Variants in CIT observed in about 807,000 individuals in gnomAD.
The protein encoded by CIT is citron Rho-interacting kinase.
CIT carries 79 observed loss-of-function variants against 272.7 expected under a neutral mutation model. The observed-to-expected ratio is 0.29, with a 90% confidence interval of 0.24 to 0.35. The LOEUF is 0.35. Ranked by LOEUF, CIT falls within the 10% of genes least tolerant of loss-of-function variation. The pLI, the probability that CIT is intolerant of heterozygous loss-of-function variation, is 1.00. For missense variants in CIT, 1,909 were observed against 2,618.3 expected (o/e 0.73, Z 5.91); for synonymous variants, 948 against 995.6 (o/e 0.95, Z 0.90).
chr12:119,706,822 T>G (rs1441204674), intron 40 of CIT, among the ~76,000 whole-genome samples: 1 of 152,216 alleles, frequency 6.6e-6, no homozygotes, highest in African/African-American at 2.4e-5. Flanking sequence ...ATTGCTGGGT[T>G]GAATGGTATT....
intron 3 of CIT, among the ~76,000 whole-genome samples, chr12:119,862,885 A>G (rs181057203): frequency 7.1e-6 from 1 of 140,142 alleles, no homozygotes; most frequent in East Asian, 2.3e-4. Flanking sequence ...TAGGGAAGTG[A>G]TTAAATCACT....
At chr12:119,800,267 C>T (rs1358002370) in intron 10 of CIT, among the ~76,000 whole-genome samples, 2 of 152,136 alleles carry the variant, frequency 1.3e-5, no homozygotes, top group Non-Finnish European at 2.9e-5. Flanking sequence ...AGACTAATTT[C>T]ACCATAACCC....
Position 119,718,862 on chromosome 12 carries a change from C to G in CIT, c.3841-1G>C. The G allele has an allele frequency of 6.2e-7, 1 of 1,613,948 alleles. No individual in the cohort carries two copies. The highest frequency in any genetic ancestry group is 8.5e-7 in the Non-Finnish European group (1 of 1,179,908). ...CCTCTTTCCGTCGACTAAATAAACC[C>G]TAGCAATGGAAACAGAGATATCTCC... is the stretch of plus-strand genomic sequence containing the variant. On this transcript the variant is annotated splice_acceptor_variant, in intron 30 of 47. Transcript: ENST00000392521. LOFTEE classifies it high-confidence loss of function. This position sits in a 1 kb window ranked among gnomAD's most constrained non-coding sequence, Gnocchi z 4.8.
chr12:119,702,698 AG>A (rs1378600957), intron 41 of CIT, among the ~76,000 whole-genome samples: 2 of 152,006 alleles, frequency 1.3e-5, no homozygotes, highest in Non-Finnish European at 2.9e-5. Context: ...AAAAAAAAAA[AG>A]AAAGAAAAGA....
At chr12:119,709,760 GAA>G (rs1491177981) in intron 39 of CIT, among the ~76,000 whole-genome samples, 4 of 102,930 alleles carry the variant, frequency 3.9e-5, no homozygotes, top group South Asian at 5.8e-4. Flanking sequence ...AATGGTTCAG[GAA>G]AGAGAGAGAG....
intron 28 of CIT, among the ~76,000 whole-genome samples, chr12:119,721,864 T>C (rs1223983495): frequency 1.3e-5 from 2 of 152,220 alleles, no homozygotes; most frequent in Admixed American, 6.5e-5. Context: ...AGATCTTAAT[T>C]GTTGCTATGA....
At chr12:119,833,199 A>T (rs1968764450) in intron 6 of CIT, among the ~76,000 whole-genome samples, 1 of 152,202 alleles carries the variant, frequency 6.6e-6, no homozygotes, top group South Asian at 2.1e-4. Context: ...AGGAAAACTA[A>T]GGCCAAAAGG....
At chr12:119,876,269 A>G in intron 1 of CIT, 88 bp from the exon 2 acceptor site, 1 of 766,400 alleles carries the variant, frequency 1.3e-6, no homozygotes. Context: ...GATATCAGGG[A>G]CAAGGAGGTG....
At chr12:119,803,609 T>C in intron 9 of CIT, 1 of 392,054 alleles carries the variant, frequency 2.6e-6, no homozygotes, top group Non-Finnish European at 4.6e-6. Context: ...CCTTCCCGCC[T>C]GGGGTAAACT....
chr12:119,719,668 C>T (rs1957729474), intron 30 of CIT, among the ~76,000 whole-genome samples: 1 of 152,168 alleles, frequency 6.6e-6, no homozygotes, highest in African/African-American at 2.4e-5. Flanking sequence ...CTTCAGCCCT[C>T]CACTCCTTCC....
At chr12:119,805,547 G>C (rs1966541611) in intron 9 of CIT, among the ~76,000 whole-genome samples, 1 of 152,112 alleles carries the variant, frequency 6.6e-6, no homozygotes, top group African/African-American at 2.4e-5. Context: ...TCCTGCACAG[G>C]GCAGAGACAC....
In CIT at chr12:119,758,637, C is replaced by A. The variant is rs1337719588; in HGVS notation, c.2485G>T (p.Ala829Ser). The A allele has an allele frequency of 1.9e-6, 3 of 1,614,008 alleles. No individual in the cohort carries two copies. In the South Asian group the frequency reaches 3.3e-5, roughly 18 times the overall value. Residue 829 changes from alanine to serine, a missense_variant, in exon 21 of 48, where the codon GCC becomes TCC. By Grantham distance (99) the Ala-to-Ser change is moderately conservative (BLOSUM62 1). This residue lies in a region of CIT where 530 missense variants were observed against 822.4 expected (regional missense o/e 0.64). Transcript: ENST00000392521. ...LEQRIVELSE[A>S]NKLAANSSLF... ...CTGCTATTTGCTGCAAGTTTATTGG[C>A]TTCAGACAGTTCCACAATCCTCTGT...
At chr12:119,818,961 C>T (rs1375400293) in intron 9 of CIT, among the ~76,000 whole-genome samples, 1 of 152,110 alleles carries the variant, frequency 6.6e-6, no homozygotes, top group African/African-American at 2.4e-5. Flanking sequence ...CGATGCCAGG[C>T]AAGGTAAGCA....
At chr12:119,849,945 C>A (rs1434333578) in intron 5 of CIT, among the ~76,000 whole-genome samples, 1 of 152,230 alleles carries the variant, frequency 6.6e-6, no homozygotes, top group African/African-American at 2.4e-5. Context: ...CTCGGCCTCC[C>A]AAAATGCTGG....
In CIT at chr12:119,735,339, C is replaced by T. The variant is rs1958694162; in HGVS notation, c.2977G>A (p.Glu993Lys). 6.2e-7 allele frequency: 1 copy of T among 1,614,062 alleles called. No homozygotes were observed. The highest frequency in any genetic ancestry group is 1.3e-5 in the African/African-American group (1 of 74,916). The change falls in exon 25 of 48, where the codon GAG (glutamate) becomes AAG (lysine). Residue 993 changes from glutamate (E) to lysine (K), a missense_variant. Glu to Lys is a moderately conservative substitution (Grantham distance 56). This residue lies in a region of CIT where 530 missense variants were observed against 822.4 expected (regional missense o/e 0.64). Coordinates refer to ENST00000392521, the MANE Select transcript of CIT (RefSeq NM_001206999.2). ...TCCTCGGTCAGCTGGTTTAGCTGCT[C>T]CTCCAGGTCTGTGATTACCTAAAAG... Reference protein sequence around the residue: ...NSCTVITDLEEQLNQLTEDNA... With the variant: ...NSCTVITDLEKQLNQLTEDNA...
intron 8 of CIT, among the ~76,000 whole-genome samples, 153 bp from the exon 9 acceptor site, chr12:119,823,126 C>T (rs1422728327): frequency 1.3e-5 from 2 of 152,082 alleles, no homozygotes; most frequent in African/African-American, 4.8e-5. Flanking sequence ...GGACCAAAGG[C>T]GTGTTCCCAA....
intron 9 of CIT, among the ~76,000 whole-genome samples, chr12:119,812,885 T>G (rs1966865806): frequency 6.6e-6 from 1 of 152,178 alleles, no homozygotes; most frequent in Non-Finnish European, 1.5e-5. Context: ...CAGACATTTA[T>G]TTGGCCATGT....
chr12:119,867,338 G>A (rs1392151650), intron 3 of CIT, among the ~76,000 whole-genome samples: 1 of 151,994 alleles, frequency 6.6e-6, no homozygotes, highest in African/African-American at 2.4e-5. Flanking sequence ...ACAGGCGCCC[G>A]CTGCCACATT....
chr12:119,713,406 C>T lies in CIT; in HGVS notation c.4487+62G>A. 6.3e-7 allele frequency: 1 copy of T among 1,594,198 alleles called. No homozygotes were observed. The highest frequency in any genetic ancestry group is 1.7e-5 in the Admixed American group (1 of 59,216). ...CTAGAAAAGACACTTCCCTAGAAAACATCAGGGACAGAGTGGCTTGTGCCA... is the reference window on the plus strand; with the variant it reads ...CTAGAAAAGACACTTCCCTAGAAAATATCAGGGACAGAGTGGCTTGTGCCA... On this transcript the variant is annotated intron_variant, in intron 34 of 47. Coordinates refer to ENST00000392521, the MANE Select transcript of CIT (RefSeq NM_001206999.2). The surrounding 1 kb of genome is among the most constrained non-coding windows in gnomAD (Gnocchi z 5.2).
Sources: gnomAD v4.1 joint callset for allele counts (sites outside exome capture counted in the v4.1 genomes callset) on GRCh38, gnomAD v4.1.1 for gene constraint, gnomAD v4.1.1 regional missense constraint, Gnocchi (gnomAD v3.1) non-coding constraint, MANE v1.5 for transcripts, NCBI Gene and HGNC (gene_info 2026-07-23, HGNC 2026-07-21) for gene names.